Variants in ERBB4 observed in about 807,000 individuals in gnomAD.
The protein encoded by ERBB4 is erb-b2 receptor tyrosine kinase 4.
A neutral mutation model predicts 158.0 loss-of-function variants in ERBB4; 42 were observed. The ratio of observed to expected loss-of-function variants is 0.27; its 90% CI spans 0.21 to 0.34. The LOEUF is 0.34. Among genes scored for constraint, ERBB4 ranks in the 10% least tolerant of loss-of-function variants. The pLI is 1.00. For missense variants in ERBB4, 1,333 were observed against 1,624.1 expected (o/e 0.82, Z 3.08); for synonymous variants, 583 against 558.7 (o/e 1.04, Z -0.61).
At chr2:212,029,563 A>C (rs925058300) in intron 2 of ERBB4, among the ~76,000 whole-genome samples, 1 of 152,184 alleles carries the variant, frequency 6.6e-6, no homozygotes, top group African/African-American at 2.4e-5. Flanking sequence ...TTAACTTCCT[A>C]AAGCAATCAG....
chr2:211,992,313 G>A (rs2082092043), intron 2 of ERBB4, among the ~76,000 whole-genome samples: 1 of 152,080 alleles, frequency 6.6e-6, no homozygotes, highest in South Asian at 2.1e-4. Context: ...AAGAGTAAAT[G>A]AGGAGGAAAC....
intron 1 of ERBB4, among the ~76,000 whole-genome samples, chr2:212,222,912 T>C (rs1574466006): frequency 1.3e-5 from 2 of 151,506 alleles, no homozygotes; most frequent in East Asian, 3.9e-4. Context: ...TCAATGATTA[T>C]TGGATAGATA....
chr2:211,927,943 T>C (rs999124153), intron 3 of ERBB4, among the ~76,000 whole-genome samples: 3 of 152,144 alleles, frequency 2.0e-5, no homozygotes, highest in Admixed American at 6.6e-5. Flanking sequence ...TTCTTTATAA[T>C]ACATACAGGG....
Position 212,095,122 on chromosome 2 carries a change from G to A in ERBB4, c.234+29630C>T, listed in dbSNP as rs115932043. Among the ~76,000 whole-genome samples the A allele has an allele frequency of 3.1e-3, 470 of 152,214 alleles. 2 individuals carry two copies. Among genetic ancestry groups the A allele is most frequent in the African/African-American group, 0.011 (444 of 41,520 alleles). ...CTTATGTCATCTTGATTGCTAGATT[G>A]TAAGAATTAGTCTGAGAAAAAAGTC... On this transcript the variant is annotated intron_variant, in intron 2 of 27. Coordinates refer to ENST00000342788, the MANE Select transcript of ERBB4 (RefSeq NM_005235.3).
chr2:212,096,346 A>C (rs924651113), intron 2 of ERBB4, among the ~76,000 whole-genome samples: 18 of 152,162 alleles, frequency 1.2e-4, no homozygotes, highest in Non-Finnish European at 1.9e-4. Context: ...TTAGAAAAAA[A>C]ATAGAAAATA....
At chr2:211,902,370 T>C (rs954991319) in intron 3 of ERBB4, among the ~76,000 whole-genome samples, 5 of 152,062 alleles carry the variant, frequency 3.3e-5, no homozygotes, top group African/African-American at 9.7e-5. Context: ...TAATATATTA[T>C]AGATATTAAC....
chr2:212,191,941 T>C (rs1186515791), intron 1 of ERBB4, among the ~76,000 whole-genome samples: 1 of 110,286 alleles, frequency 9.1e-6, no homozygotes, highest in Non-Finnish European at 1.8e-5. Context: ...TTATATATGA[T>C]GCATATGTTA....
At chr2:212,278,783 T>A (rs997208226) in intron 1 of ERBB4, among the ~76,000 whole-genome samples, 2 of 151,672 alleles carry the variant, frequency 1.3e-5, no homozygotes, top group Non-Finnish European at 3.0e-5. Flanking sequence ...AATATATAGA[T>A]ACTTGAAAGA....
chr2:211,403,979 T>A (rs2125360441), intron 25 of ERBB4, among the ~76,000 whole-genome samples: 1 of 152,240 alleles, frequency 6.6e-6, no homozygotes, highest in South Asian at 2.1e-4. Context: ...ATGGGAATGT[T>A]ATGTCAAGAA....
chr2:211,840,867 G>T (rs568935173), intron 3 of ERBB4, among the ~76,000 whole-genome samples: 5 of 152,030 alleles, frequency 3.3e-5, no homozygotes, highest in Admixed American at 6.6e-5. Flanking sequence ...TCTCAACAAT[G>T]GGGTATGCAA....
chr2:212,170,043 A>C (rs1225934406), intron 1 of ERBB4, among the ~76,000 whole-genome samples: 1 of 152,186 alleles, frequency 6.6e-6, no homozygotes, highest in African/African-American at 2.4e-5. Flanking sequence ...AAAATGTGGA[A>C]GTGACTTTGG....
chr2:211,574,583 T>C (rs1460523505), intron 19 of ERBB4, among the ~76,000 whole-genome samples: 1 of 152,152 alleles, frequency 6.6e-6, no homozygotes, highest in African/African-American at 2.4e-5. Flanking sequence ...CATTTCAGAA[T>C]TGATGTGAAA....
chr2:212,492,941 G>A (rs1364870492), intron 1 of ERBB4, among the ~76,000 whole-genome samples: 5 of 151,422 alleles, frequency 3.3e-5, no homozygotes, highest in Non-Finnish European at 5.9e-5. Flanking sequence ...TTTTACAGAA[G>A]AATCAGTTTC....
intron 1 of ERBB4, among the ~76,000 whole-genome samples, chr2:212,418,034 C>A (rs2091699007): frequency 1.3e-5 from 2 of 151,822 alleles, no homozygotes; most frequent in Non-Finnish European, 2.9e-5. Flanking sequence ...AAAAGGCAGC[C>A]ATCAGCAAGT....
intron 3 of ERBB4, among the ~76,000 whole-genome samples, chr2:211,839,616 C>A (rs554325506): frequency 6.6e-6 from 1 of 152,160 alleles, no homozygotes; most frequent in East Asian, 1.9e-4. Flanking sequence ...ATTTCTTATT[C>A]TGCAGCAAAA....
intron 2 of ERBB4, among the ~76,000 whole-genome samples, chr2:212,098,568 G>A (rs2078995121): frequency 6.6e-6 from 1 of 152,092 alleles, no homozygotes; most frequent in Admixed American, 6.6e-5. Context: ...AATTGGAAAT[G>A]GCTTGTTTGT....
chr2:211,710,352 T>G (rs1436909976), intron 9 of ERBB4, among the ~76,000 whole-genome samples: 2 of 152,202 alleles, frequency 1.3e-5, no homozygotes, highest in African/African-American at 4.8e-5. Context: ...CATAATATAA[T>G]CTTACATTCA....
intron 1 of ERBB4, among the ~76,000 whole-genome samples, chr2:212,490,930 T>C (rs138740153): frequency 0.012 from 1,805 of 151,888 alleles, 35 homozygotes; most frequent in African/African-American, 0.042. Flanking sequence ...AAGTGAATAG[T>C]ATTTTTGTTT....
At chr2:212,355,293 T>G (rs2089421189) in intron 1 of ERBB4, among the ~76,000 whole-genome samples, 1 of 152,064 alleles carries the variant, frequency 6.6e-6, no homozygotes, top group African/African-American at 2.4e-5. Flanking sequence ...CCTAGGGTTT[T>G]GTACTACAGT....
Sources: allele counts gnomAD v4.1 joint callset (sites outside exome capture counted in the v4.1 genomes callset), GRCh38; gene constraint gnomAD v4.1.1; transcripts MANE v1.5; gene names NCBI Gene and HGNC (gene_info 2026-07-23, HGNC 2026-07-21).